Variants in DOCK4 observed in about 807,000 individuals in gnomAD.
DOCK4 encodes the protein dedicator of cytokinesis protein 4.
DOCK4 carries 97 observed loss-of-function variants against 268.1 expected under a neutral mutation model. That is an observed-to-expected ratio of 0.36 (90% confidence interval 0.31 to 0.43). DOCK4 has a LOEUF of 0.43. Among genes scored for constraint, DOCK4 ranks in the 20% least tolerant of loss-of-function variants. The pLI, the probability that DOCK4 is intolerant of heterozygous loss-of-function variation, is 1.00. For missense variants in DOCK4, 2,145 were observed against 2,455.7 expected (o/e 0.87, Z 2.67); for synonymous variants, 954 against 887.2 (o/e 1.08, Z -1.34).
At chr7:111,780,356 C>T (rs554828433) in intron 35 of DOCK4, among the ~76,000 whole-genome samples, 5 of 152,234 alleles carry the variant, frequency 3.3e-5, no homozygotes, top group East Asian at 3.9e-4. Context: ...ATGCTATTCA[C>T]GTCTCTCTTA....
intron 10 of DOCK4, among the ~76,000 whole-genome samples, chr7:111,941,936 A>AT (rs1353161282): frequency 3.3e-5 from 5 of 152,138 alleles, no homozygotes; most frequent in African/African-American, 7.2e-5. Flanking sequence ...CCTCCACCTG[A>AT]CTCATGTCTT....
intron 16 of DOCK4, among the ~76,000 whole-genome samples, chr7:111,886,178 AAT>A (rs1807821701): frequency 6.6e-6 from 1 of 152,216 alleles, no homozygotes; most frequent in Non-Finnish European, 1.5e-5. Context: ...AAAAGTAGGT[AAT>A]CACATTAAAA....
chr7:111,822,526 A>C, intron 26 of DOCK4, 70 bp from the exon 27 acceptor site: 1 of 1,280,854 alleles, frequency 7.8e-7, no homozygotes, highest in South Asian at 1.3e-5. Flanking sequence ...GCACATACAC[A>C]GGCAGTACTG....
intron 1 of DOCK4, among the ~76,000 whole-genome samples, chr7:112,066,569 C>A (rs940832713): frequency 1.4e-5 from 2 of 143,880 alleles, no homozygotes; most frequent in African/African-American, 5.3e-5. Flanking sequence ...TATATATACA[C>A]GTGTGTATAT....
chr7:112,196,576 G>A, intron 1 of DOCK4, among the ~76,000 whole-genome samples: 1 of 152,176 alleles, frequency 6.6e-6, no homozygotes, highest in East Asian at 1.9e-4. Context: ...AAGGATTACA[G>A]ATGCTTCCGG....
chr7:111,791,457 G>GTT (rs934150073), intron 30 of DOCK4, among the ~76,000 whole-genome samples: 2 of 145,240 alleles, frequency 1.4e-5, no homozygotes, highest in African/African-American at 5.1e-5. Flanking sequence ...TGTTTTTTTT[G>GTT]TTTTTTTTTT....
chr7:111,924,348 A>G (rs1016169842), intron 12 of DOCK4, among the ~76,000 whole-genome samples: 2 of 152,078 alleles, frequency 1.3e-5, no homozygotes, highest in Non-Finnish European at 2.9e-5. Context: ...TTTTTAGGCT[A>G]TACAACTGGG....
intron 1 of DOCK4, among the ~76,000 whole-genome samples, chr7:112,063,994 A>C (rs914106983): frequency 3.9e-5 from 6 of 152,172 alleles, no homozygotes; most frequent in Admixed American, 3.3e-4. Flanking sequence ...TCTCCCTTAC[A>C]GCTAGAGTAC....
At chr7:111,844,970 A>C in intron 24 of DOCK4, 73 bp from the exon 25 acceptor site, 1 of 1,526,432 alleles carries the variant, frequency 6.6e-7, no homozygotes. Context: ...GAAAAGGGGA[A>C]ATCAAAGAGT....
In DOCK4 at chr7:112,086,743, C is replaced by T. The variant is rs60110614; in HGVS notation, c.38-82612G>A. Among the ~76,000 whole-genome samples the T allele has an allele frequency of 6.7e-3, 1,016 of 152,220 alleles. 8 individuals carry two copies. Among genetic ancestry groups the T allele is most frequent in the African/African-American group, 0.023 (935 of 41,544 alleles). ...TCTAACCGATTCTGACAGAGTTTTA[C>T]GCTGAGCCAAGGCCATCCTGCCCAA... On this transcript the variant is annotated intron_variant, in intron 1 of 52. Transcript: ENST00000428084.
At chr7:111,954,651 T>C (rs1796316186) in intron 8 of DOCK4, among the ~76,000 whole-genome samples, 1 of 152,174 alleles carries the variant, frequency 6.6e-6, no homozygotes. Flanking sequence ...AGAGGGAGAC[T>C]GTCCGGGTAC....
At chr7:112,199,094 T>C (rs1452402751) in intron 1 of DOCK4, among the ~76,000 whole-genome samples, 1 of 152,226 alleles carries the variant, frequency 6.6e-6, no homozygotes, top group Non-Finnish European at 1.5e-5. Flanking sequence ...CATGGCGTAA[T>C]GGCTAAGAGA....
chr7:111,728,435 C>T lies in DOCK4; in HGVS notation c.5767G>A (p.Val1923Ile), dbSNP rs12705795. 91,969 of 1,591,484 alleles carry T rather than the reference C, an allele frequency of 0.058. 3,033 individuals are homozygous for T. Among genetic ancestry groups the T allele is most frequent in the Middle Eastern group, 0.088 (521 of 5,946 alleles). ...SVYERTLRRPVPLPHSLSIPV... is the reference protein window; with the variant it reads ...SVYERTLRRPIPLPHSLSIPV... The stretch of plus-strand genomic sequence containing the variant: ...ATGGAGAGGCTGTGAGGTAGCGGGA[C>T]GGGGCGCCGCAGAGTCCGCTCGTAG... Residue 1923 changes from valine (V) to isoleucine (I), a missense_variant, in exon 53 of 53, where the codon GTC (valine) becomes ATC (isoleucine). Physicochemically the swap from Val to Ile is conservative, Grantham distance 29. Coordinates refer to ENST00000428084, the MANE Select transcript of DOCK4 (RefSeq NM_001363540.2).
intron 52 of DOCK4, among the ~76,000 whole-genome samples, chr7:111,729,066 T>C (rs926492017): frequency 5.9e-5 from 9 of 152,222 alleles, no homozygotes; most frequent in African/African-American, 2.2e-4. Flanking sequence ...CTGCCAGAAT[T>C]GAGAAAATAC....
chr7:111,764,316 G>A (rs1797638708), intron 39 of DOCK4, among the ~76,000 whole-genome samples: 1 of 152,104 alleles, frequency 6.6e-6, no homozygotes, highest in East Asian at 1.9e-4. Context: ...CTAGTATTCT[G>A]TCATATGTGC....
At chr7:112,170,130 G>GA (rs978455801) in intron 1 of DOCK4, among the ~76,000 whole-genome samples, 2 of 151,900 alleles carry the variant, frequency 1.3e-5, no homozygotes, top group African/African-American at 4.8e-5. Context: ...AGAGAAGAGA[G>GA]AAAAAAATAA....
chr7:111,781,283 A>G (rs1329162910), intron 35 of DOCK4, among the ~76,000 whole-genome samples: 1 of 152,216 alleles, frequency 6.6e-6, no homozygotes, highest in Non-Finnish European at 1.5e-5. Context: ...GAGAAGACCT[A>G]AAGCTTATCA....
At chr7:111,741,981 C>A in intron 45 of DOCK4, 32 bp downstream of exon 45, 1 of 1,530,078 alleles carries the variant, frequency 6.5e-7, no homozygotes, top group Non-Finnish European at 8.8e-7. Flanking sequence ...AGTGATCAGG[C>A]TGCCCCGCCA....
chr7:111,962,779 A>G (rs1308882801), intron 8 of DOCK4, among the ~76,000 whole-genome samples: 1 of 152,234 alleles, frequency 6.6e-6, no homozygotes, highest in East Asian at 1.9e-4. Context: ...AGAAAAATGG[A>G]GTTTAATGAA....
Sources: allele counts gnomAD v4.1 joint callset (sites outside exome capture counted in the v4.1 genomes callset), GRCh38; gene constraint gnomAD v4.1.1; transcripts MANE v1.5; gene names NCBI Gene and HGNC (gene_info 2026-07-23, HGNC 2026-07-21).